Variants in THSD7B observed in about 807,000 individuals in gnomAD.
The protein encoded by THSD7B is thrombospondin type 1 domain containing 7B.
Under a neutral mutation model 213.6 loss-of-function variants are expected in THSD7B, and 138 were observed. That is an observed-to-expected ratio of 0.65 (90% CI 0.56 to 0.74). The LOEUF (loss-of-function observed/expected upper bound fraction) is 0.74, where lower values mean the gene tolerates loss of function less well. Ranked by LOEUF, THSD7B falls within the 30% of genes least tolerant of loss-of-function variation. The pLI, the probability that THSD7B is intolerant of heterozygous loss-of-function variation, is 0.00. For synonymous variants in THSD7B, 742 were observed against 687.0 expected (o/e 1.08, Z -1.25); for missense variants, 1,931 against 1,991.5 (o/e 0.97, Z 0.58).
intron 20 of THSD7B, among the ~76,000 whole-genome samples, chr2:137,625,806 C>T (rs867284605): frequency 9.2e-5 from 14 of 152,330 alleles, no homozygotes; most frequent in East Asian, 3.9e-4. Flanking sequence ...GGCTTTGCCA[C>T]GGTGGAAACT....
chr2:137,538,574 C>G (rs1680550546), intron 15 of THSD7B: 1 of 488,898 alleles, frequency 2.0e-6, no homozygotes, highest in Admixed American at 2.3e-5. Flanking sequence ...CACAAACCAG[C>G]TTTTTTTCTC....
At chr2:137,449,944 A>G (rs997753437) in intron 14 of THSD7B, among the ~76,000 whole-genome samples, 1 of 152,076 alleles carries the variant, frequency 6.6e-6, no homozygotes, top group African/African-American at 2.4e-5. Context: ...ACTCAAGCAG[A>G]AGAGATTATA....
At chr2:137,604,650 C>G (rs1272335939) in intron 17 of THSD7B, among the ~76,000 whole-genome samples, 1 of 152,194 alleles carries the variant, frequency 6.6e-6, no homozygotes, top group Non-Finnish European at 1.5e-5. Context: ...GGACCCTCTC[C>G]ATAAAATATC....
intron 2 of THSD7B, among the ~76,000 whole-genome samples, chr2:137,001,277 A>G (rs1685993351): frequency 6.6e-6 from 1 of 152,124 alleles, no homozygotes; most frequent in African/African-American, 2.4e-5. Flanking sequence ...TACAAGAAGC[A>G]CTGAATTCTA....
intron 7 of THSD7B, among the ~76,000 whole-genome samples, chr2:137,219,274 T>C (rs530029219): frequency 6.6e-6 from 1 of 152,154 alleles, no homozygotes; most frequent in Non-Finnish European, 1.5e-5. Context: ...GTGGTTATCC[T>C]CTGAGAATTA....
At chr2:136,863,232 GAA>G (rs1683282016) in intron 1 of THSD7B, among the ~76,000 whole-genome samples, 1 of 152,228 alleles carries the variant, frequency 6.6e-6, no homozygotes, top group South Asian at 2.1e-4. Flanking sequence ...TAAGCATCCT[GAA>G]AGGTGATTCT....
chr2:137,459,478 C>A (rs960342325), intron 15 of THSD7B, among the ~76,000 whole-genome samples: 2 of 151,974 alleles, frequency 1.3e-5, no homozygotes, highest in Non-Finnish European at 2.9e-5. Context: ...CCAGCCTGGC[C>A]AACATGGTGA....
chr2:136,769,707 A>G (rs1681470855), intron 1 of THSD7B, among the ~76,000 whole-genome samples: 1 of 152,234 alleles, frequency 6.6e-6, no homozygotes, highest in African/African-American at 2.4e-5. Context: ...TTCTAAAAAC[A>G]CAACTCTTTG....
intron 2 of THSD7B, among the ~76,000 whole-genome samples, chr2:136,939,616 G>A (rs1432068115): frequency 1.3e-5 from 2 of 152,088 alleles, no homozygotes; most frequent in African/African-American, 4.8e-5. Context: ...TCTCTTCCAA[G>A]AAGCCTTCTT....
chr2:137,287,538 AAATTGATG>A (rs1683215044), intron 12 of THSD7B, among the ~76,000 whole-genome samples: 1 of 152,072 alleles, frequency 6.6e-6, no homozygotes, highest in African/African-American at 2.4e-5. Context: ...ACACTTTTTT[AAATTGATG>A]ATAAATTAAA....
At chr2:136,797,083 C>T (rs1284852322) in intron 1 of THSD7B, among the ~76,000 whole-genome samples, 2 of 151,628 alleles carry the variant, frequency 1.3e-5, no homozygotes, top group East Asian at 3.9e-4. Flanking sequence ...AGTGAAATGT[C>T]TGGAACTTTT....
At chr2:136,844,739 A>C (rs1682980043) in intron 1 of THSD7B, among the ~76,000 whole-genome samples, 1 of 152,202 alleles carries the variant, frequency 6.6e-6, no homozygotes, top group Admixed American at 6.5e-5. Flanking sequence ...CAGCTCTTTC[A>C]ATCTGTCTTA....
intron 1 of THSD7B, among the ~76,000 whole-genome samples, chr2:136,822,219 T>C (rs1439745639): frequency 6.6e-6 from 1 of 152,174 alleles, no homozygotes; most frequent in Non-Finnish European, 1.5e-5. Context: ...CTCAGAGTTA[T>C]AGGGACTATG....
chr2:137,134,739 G>C (rs1432206), intron 5 of THSD7B, among the ~76,000 whole-genome samples: 4 of 152,024 alleles, frequency 2.6e-5, no homozygotes, highest in African/African-American at 9.7e-5. Context: ...TCTGGAACAA[G>C]AGGCTCAATT....
At chr2:137,391,730 A>G (rs765886433) in intron 12 of THSD7B, among the ~76,000 whole-genome samples, 16 of 149,852 alleles carry the variant, frequency 1.1e-4, no homozygotes, top group Admixed American at 9.3e-4. Flanking sequence ...ACTCTTTTGC[A>G]TGCTACTTTT....
chr2:137,319,467 T>G (rs1684215855), intron 12 of THSD7B, among the ~76,000 whole-genome samples: 1 of 152,238 alleles, frequency 6.6e-6, no homozygotes, highest in South Asian at 2.1e-4. Context: ...AATGTTTCAA[T>G]GAATATTGTT....
intron 15 of THSD7B, among the ~76,000 whole-genome samples, chr2:137,494,637 A>T (rs1462664783): frequency 6.6e-6 from 1 of 152,064 alleles, no homozygotes; most frequent in Admixed American, 6.6e-5. Flanking sequence ...TCTGCCTACC[A>T]CACTCTTACT....
chr2:137,668,674 C>T (rs1203598281), intron 27 of THSD7B, among the ~76,000 whole-genome samples: 7 of 152,142 alleles, frequency 4.6e-5, no homozygotes. Context: ...AACCTGACTA[C>T]TAATGGCCCG....
At chr2:137,296,321 GT>G (rs1452694951) in intron 12 of THSD7B, among the ~76,000 whole-genome samples, 6 of 152,112 alleles carry the variant, frequency 3.9e-5, no homozygotes, top group Non-Finnish European at 8.8e-5. Context: ...GCTTTCATTA[GT>G]TTCTTAAAAA....
Sources: gnomAD v4.1 joint callset for allele counts (sites outside exome capture counted in the v4.1 genomes callset) on GRCh38, gnomAD v4.1.1 for gene constraint, MANE v1.5 for transcripts, NCBI Gene and HGNC (gene_info 2026-07-23, HGNC 2026-07-21) for gene names.